Variants in AGAP1 observed in about 807,000 individuals in gnomAD.
AGAP1 encodes ArfGAP with GTPase domain, ankyrin repeat and PH domain 1.
In AGAP1, 29 loss-of-function variants were observed where a neutral mutation model predicts 105.3. That is an observed-to-expected ratio of 0.28 (90% CI 0.21 to 0.38). The LOEUF is 0.38. Ranked by LOEUF, AGAP1 falls within the 10% of genes least tolerant of loss-of-function variation. The pLI, the probability that AGAP1 is intolerant of heterozygous loss-of-function variation, is 1.00. For synonymous variants in AGAP1, 509 were observed against 485.9 expected (o/e 1.05, Z -0.63); for missense variants, 998 against 1,165.1 (o/e 0.86, Z 2.09).
Position 235,615,801 on chromosome 2 carries a change from A to G in AGAP1, c.164-93378A>G, listed in dbSNP as rs1441586875. Among the ~76,000 whole-genome samples the G allele has an allele frequency of 6.6e-6, 1 of 152,200 alleles. No individual in the cohort carries two copies. Among genetic ancestry groups the G allele is most frequent in the African/African-American group, 2.4e-5 (1 of 41,458 alleles). On this transcript the variant is annotated intron_variant, in intron 1 of 17. Coordinates refer to ENST00000304032, the MANE Select transcript of AGAP1 (RefSeq NM_001037131.3). The surrounding 1 kb of genome is among the most constrained non-coding windows in gnomAD (Gnocchi z 5.0). ...GGATGAACTTCAAGGGCAGAAAATAAATGAAAGGGGATTACTTTGACAGCA... is the reference window on the plus strand; with the variant it reads ...GGATGAACTTCAAGGGCAGAAAATAGATGAAAGGGGATTACTTTGACAGCA...
chr2:235,969,448 T>C (rs940974384), intron 13 of AGAP1, among the ~76,000 whole-genome samples: 35 of 152,220 alleles, frequency 2.3e-4, no homozygotes, highest in African/African-American at 8.4e-4. Context: ...AGACCGACAA[T>C]GGTGAGAGAG....
chr2:235,803,066 A>ATG (rs1559506617), intron 8 of AGAP1, among the ~76,000 whole-genome samples: 3 of 9,572 alleles, frequency 3.1e-4, no homozygotes, highest in African/African-American at 4.0e-4. Flanking sequence ...TGGTGGTGAT[A>ATG]GTTGTGATGG....
In AGAP1 at chr2:235,962,499, C is replaced by T. The variant is rs563866908; in HGVS notation, c.1484-5963C>T. On this transcript the variant is annotated intron_variant, in intron 12 of 17. Transcript: ENST00000304032. The surrounding 1 kb of genome is among the most constrained non-coding windows in gnomAD (Gnocchi z 5.3). ...TGGAACTCAGGGCATAGAGGAGCCACGGGAGTGAAGGCCTAGTGAGCTGGG... is the reference window on the plus strand; with the variant it reads ...TGGAACTCAGGGCATAGAGGAGCCATGGGAGTGAAGGCCTAGTGAGCTGGG... Among the ~76,000 whole-genome samples, 11 of 151,734 alleles carry T rather than the reference C, an allele frequency of 7.2e-5. No homozygotes were observed. The highest frequency in any genetic ancestry group is 1.9e-4 in the African/African-American group (8 of 41,374).
At chr2:235,998,089 A>C (rs1333493242) in intron 13 of AGAP1, among the ~76,000 whole-genome samples, 3 of 152,230 alleles carry the variant, frequency 2.0e-5, no homozygotes, top group Admixed American at 1.3e-4. Context: ...AGTTTTGCCA[A>C]GCAAGGATAT....
intron 1 of AGAP1, chr2:235,670,660 C>T (rs1022989950): frequency 2.5e-5 from 16 of 649,254 alleles, no homozygotes; most frequent in African/African-American, 2.3e-4. Context: ...CGCCGTGCGA[C>T]GAGGCCGCGG....
At chr2:235,829,813 C>G (rs1959197527) in intron 9 of AGAP1, among the ~76,000 whole-genome samples, 2 of 152,152 alleles carry the variant, frequency 1.3e-5, no homozygotes, top group African/African-American at 4.8e-5. Flanking sequence ...CAGGAGGCTG[C>G]TTGGCCCTGG....
intron 1 of AGAP1, among the ~76,000 whole-genome samples, chr2:235,544,666 G>T (rs1046149593): frequency 5.3e-5 from 8 of 152,314 alleles, no homozygotes; most frequent in African/African-American, 1.9e-4. Context: ...GGCCTGCTGG[G>T]TACCCCTGCT....
At chr2:235,822,208 T>C (rs1197052349) in intron 9 of AGAP1, among the ~76,000 whole-genome samples, 4 of 152,270 alleles carry the variant, frequency 2.6e-5, no homozygotes, top group African/African-American at 9.6e-5. Context: ...AAGTAGGTTT[T>C]ATAAAATGAA....
intron 9 of AGAP1, among the ~76,000 whole-genome samples, chr2:235,831,225 CAGTTTTAGGTCACGGCAA>C (rs1959345981): frequency 6.7e-6 from 1 of 149,886 alleles, no homozygotes; most frequent in African/African-American, 2.5e-5. Flanking sequence ...TTTTTTAGAG[CAGTTTTAGGTCACGGCAA>C]AGTTGAGCAG....
intron 1 of AGAP1, among the ~76,000 whole-genome samples, chr2:235,541,636 G>A (rs901512441): frequency 2.6e-5 from 4 of 151,868 alleles, no homozygotes; most frequent in Non-Finnish European, 5.9e-5. Flanking sequence ...TGATCTGCCC[G>A]CCTCCGCCTC....
rs1355257431 is a variant in AGAP1, at chr2:235,621,687, A to C, written c.164-87492A>C. ...TGGTCATTCCCTGTGCCCATTGTTC[A>C]TGCATTGGAACTTGGAGTGCCTGCT... is the stretch of plus-strand genomic sequence containing the variant. On this transcript the variant is annotated intron_variant, in intron 1 of 17. Coordinates refer to ENST00000304032, the MANE Select transcript of AGAP1 (RefSeq NM_001037131.3). This position sits in a 1 kb window ranked among gnomAD's most constrained non-coding sequence, Gnocchi z 4.1. 6.6e-6 allele frequency among the ~76,000 whole-genome samples: 1 copy of C among 152,150 alleles called. No homozygotes were observed. Among genetic ancestry groups the C allele is most frequent in the African/African-American group, 2.4e-5 (1 of 41,434 alleles).
chr2:235,683,287 C>T (rs535140670), intron 1 of AGAP1, among the ~76,000 whole-genome samples: 4 of 152,206 alleles, frequency 2.6e-5, no homozygotes, highest in African/African-American at 9.6e-5. Context: ...GCCTGGGCAA[C>T]AGAGTGAGAC....
intron 1 of AGAP1, among the ~76,000 whole-genome samples, chr2:235,605,807 G>A (rs1945912979): frequency 6.6e-6 from 1 of 152,210 alleles, no homozygotes; most frequent in Admixed American, 6.5e-5. Flanking sequence ...TTTCAGCGCA[G>A]ATCCGATGAG....
intron 12 of AGAP1, among the ~76,000 whole-genome samples, chr2:235,937,408 A>T (rs895138514): frequency 6.6e-6 from 1 of 152,200 alleles, no homozygotes; most frequent in Admixed American, 6.5e-5. Context: ...GTAACTTTGT[A>T]CTTTGTCTCC....
chr2:235,509,943 A>G (rs915230581), intron 1 of AGAP1, among the ~76,000 whole-genome samples: 1 of 151,998 alleles, frequency 6.6e-6, no homozygotes, highest in Non-Finnish European at 1.5e-5. Flanking sequence ...CAGCGGCGGC[A>G]TTAGATTCTC....
chr2:235,694,316 A>G (rs1451778234), intron 1 of AGAP1, among the ~76,000 whole-genome samples: 1 of 151,992 alleles, frequency 6.6e-6, no homozygotes, highest in Non-Finnish European at 1.5e-5. Context: ...CGTCTCTACT[A>G]AAAATACAAA....
intron 1 of AGAP1, among the ~76,000 whole-genome samples, chr2:235,674,669 A>G (rs1948626350): frequency 6.6e-6 from 1 of 150,526 alleles, no homozygotes; most frequent in African/African-American, 2.4e-5. Flanking sequence ...GATTTGTATC[A>G]GTCAATTACT....
chr2:235,867,536 A>AGTGTGTGTGTGTGTGTGTGTGTGT lies in AGAP1; in HGVS notation c.1051-15793_1051-15770dup, dbSNP rs61257818. 1.3e-3 allele frequency among the ~76,000 whole-genome samples: 160 copies of AGTGTGTGTGTGTGTGTGTGTGTGT among 123,328 alleles called. No homozygotes were observed. The highest frequency in any genetic ancestry group is 3.9e-3 in the African/African-American group (137 of 35,112). The allele number at this position is 123,328 out of a possible 152,430, so 80.9% of individuals were successfully genotyped here. On this transcript the variant is annotated intron_variant, in intron 9 of 17. Coordinates refer to ENST00000304032, the MANE Select transcript of AGAP1 (RefSeq NM_001037131.3). This position sits in a 1 kb window ranked among gnomAD's most constrained non-coding sequence, Gnocchi z 5.4. ...ATCATACACCTTATGCTGGTGCTGC[A>AGTGTGTGTGTGTGTGTGTGTGTGT]GTGTGTGTGTGTGTGTGTGTGTGTG...
rs1171815098 is a variant in AGAP1, at chr2:236,101,511, G to T, written c.2115-18681G>T. On this transcript the variant is annotated intron_variant, in intron 16 of 17. Transcript: ENST00000304032. The surrounding 1 kb of genome is among the most constrained non-coding windows in gnomAD (Gnocchi z 4.9). ...AACTGGGCCCTCTGCAGTCACTCCG[G>T]CCTGTCCCCGCCTCTTCCGTGTGAG... is the stretch of plus-strand genomic sequence containing the variant. 1.3e-5 allele frequency among the ~76,000 whole-genome samples: 2 copies of T among 152,184 alleles called. No homozygotes were observed. Among genetic ancestry groups the T allele is most frequent in the Admixed American group, 6.5e-5 (1 of 15,282 alleles).
Sources: gnomAD v4.1 joint callset for allele counts (sites outside exome capture counted in the v4.1 genomes callset) on GRCh38, gnomAD v4.1.1 for gene constraint, Gnocchi (gnomAD v3.1) non-coding constraint, MANE v1.5 for transcripts, NCBI Gene and HGNC (gene_info 2026-07-23, HGNC 2026-07-21) for gene names.